TRIM49C: variants seen among roughly 807,000 people sequenced by gnomAD.
TRIM49C encodes the protein tripartite motif-containing protein 49C.
A neutral mutation model predicts 21.4 loss-of-function variants in TRIM49C; 6 were observed. The observed-to-expected ratio is 0.28, with a 90% CI of 0.15 to 0.55. The LOEUF is 0.55. TRIM49C is among the 20% of genes least tolerant of loss of function. The pLI, the probability that TRIM49C is intolerant of heterozygous loss-of-function variation, is 0.94. For synonymous variants in TRIM49C, 57 were observed against 148.1 expected (o/e 0.38, Z 4.47); for missense variants, 161 against 442.4 (o/e 0.36, Z 5.71).
Position 90,041,109 on chromosome 11 carries a change from G to C in TRIM49C, c.918G>C (p.Leu306Phe). ...ANSDIFLYEI[L>F]RSMCIGCDHQ... ...GTGATATCTTTCTGTATGAAATTTT[G>C]AGAAGCATGTGTATTGGATGTGACC... is the stretch of plus-strand genomic sequence containing the variant. The change falls in exon 8 of 8, where the codon TTG becomes TTC. Residue 306 changes from leucine (L) to phenylalanine (F), a missense_variant. Transcript: ENST00000448984. 1 of 1,580,706 alleles carries C rather than the reference G, an allele frequency of 6.3e-7. No individual in the cohort carries two copies. The highest frequency in any genetic ancestry group is 8.6e-7 in the Non-Finnish European group (1 of 1,161,798).
Position 90,034,066 on chromosome 11 carries a change from G to A in TRIM49C, c.-4-1142G>A, listed in dbSNP as rs1222474744. Among the ~76,000 whole-genome samples the A allele has an allele frequency of 5.5e-5, 7 of 126,910 alleles. 1 individual carries two copies. The highest frequency in any genetic ancestry group is 4.8e-5 in the Non-Finnish European group (3 of 62,170). The allele number at this position is 126,910 out of a possible 152,430, so 83.3% of individuals were successfully genotyped here. The stretch of plus-strand genomic sequence containing the variant: ...ATTCATCAGGAAAATTAATTTGCTT[G>A]ATTATGGAGTCTAGAGAGTTCCAAT... On this transcript the variant is annotated intron_variant, in intron 2 of 7. Coordinates refer to ENST00000448984, the MANE Select transcript of TRIM49C (RefSeq NM_001195234.1).
chr11:90,065,854 G>A, the TRIM49C span, among the ~76,000 whole-genome samples: 2 of 135,598 alleles, frequency 1.5e-5, no homozygotes, highest in African/African-American at 5.3e-5. Context: ...TACTTGGGAG[G>A]CTGAGGCATG....
chr11:90,035,397 A>G lies in TRIM49C; in HGVS notation c.186A>G (p.Ile62Met). The G allele has an allele frequency of 6.7e-7, 1 of 1,490,404 alleles. No individual in the cohort carries two copies. 92.3% of individuals were successfully genotyped at this position (1,490,404 alleles called of 1,614,324 possible). A position where few individuals can be genotyped will look rare whatever the true frequency, so the allele number is the denominator to read the frequency against. Residue 62 changes from isoleucine (I) to methionine (M), a missense_variant, in exon 3 of 8, where the codon ATA becomes ATG. Ile to Met is a conservative substitution (Grantham distance 10, BLOSUM62 1). This residue lies in a region of TRIM49C where 80 missense variants were observed against 314.8 expected (regional missense o/e 0.25). Coordinates refer to ENST00000448984, the MANE Select transcript of TRIM49C (RefSeq NM_001195234.1). ...AATGCACAAAGTCAACAGAGCAGAT[A>G]AACCTCAAAACCAACATTCATTTGA... ...CSECTKSTEQ[I>M]NLKTNIHLKK... is the part of the protein sequence containing the mutation.
the TRIM49C span, among the ~76,000 whole-genome samples, chr11:90,065,581 A>G: frequency 7.1e-6 from 1 of 140,444 alleles, no homozygotes; most frequent in African/African-American, 2.6e-5. Context: ...GGTATTGAAA[A>G]CCAGACTTGA....
At chr11:90,072,399 A>G in the TRIM49C span, among the ~76,000 whole-genome samples, 1 of 148,618 alleles carries the variant, frequency 6.7e-6, no homozygotes, top group African/African-American at 2.5e-5. Flanking sequence ...CATGAAAGTC[A>G]GATAATTCTG....
At chr11:90,072,310 G>T in the TRIM49C span, among the ~76,000 whole-genome samples, 2 of 148,580 alleles carry the variant, frequency 1.3e-5, no homozygotes, top group Admixed American at 6.8e-5. Flanking sequence ...TGATTTGGTG[G>T]TTGATGAGGC....
chr11:90,069,270 A>ATTT, the TRIM49C span, among the ~76,000 whole-genome samples: 13 of 118,312 alleles, frequency 1.1e-4, no homozygotes, highest in East Asian at 2.2e-3. Flanking sequence ...ACGCCCAGCT[A>ATTT]ATTTTTTTTT....
In TRIM49C at chr11:90,034,733, C is replaced by T. The variant is rs1470508866; in HGVS notation, c.-4-475C>T. 4.5e-5 allele frequency among the ~76,000 whole-genome samples: 6 copies of T among 133,088 alleles called. 1 individual carries two copies. Among genetic ancestry groups the T allele is most frequent in the Non-Finnish European group, 9.6e-5 (6 of 62,278 alleles). The allele number at this position is 133,088 out of a possible 152,430, so 87.3% of individuals were successfully genotyped here. A position where few individuals can be genotyped will look rare whatever the true frequency, so the allele number is the denominator to read the frequency against. Reference sequence around the variant, plus strand: ...ACTTGTGCCATGGTGGTTTGCTGCCCGGCTTTTGTGACCCTCTATAAAAAT... The same window carrying T: ...ACTTGTGCCATGGTGGTTTGCTGCCTGGCTTTTGTGACCCTCTATAAAAAT... On this transcript the variant is annotated intron_variant, in intron 2 of 7. Coordinates refer to ENST00000448984, the MANE Select transcript of TRIM49C (RefSeq NM_001195234.1).
At chr11:90,053,110 C>T in the TRIM49C span, among the ~76,000 whole-genome samples, 2 of 138,980 alleles carry the variant, frequency 1.4e-5, no homozygotes, top group African/African-American at 5.1e-5. Flanking sequence ...ATTCTTGGGC[C>T]CCACCCCAGG....
chr11:90,045,441 T>TTCAGCAGTGG (rs1337390825), downstream of TRIM49C, among the ~76,000 whole-genome samples: 4 of 61,044 alleles, frequency 6.6e-5, no homozygotes, highest in African/African-American at 2.7e-4. Context: ...TTGTATCCTC[T>TTCAGCAGTGG]TTTATTTCAT....
At chr11:90,069,240 G>A in the TRIM49C span, among the ~76,000 whole-genome samples, 1 of 125,006 alleles carries the variant, frequency 8.0e-6, no homozygotes, top group Non-Finnish European at 1.6e-5. Context: ...AAGTAGCTGG[G>A]ACTACAGGCG....
downstream of TRIM49C, among the ~76,000 whole-genome samples, chr11:90,045,080 G>A (rs1950792632): frequency 7.9e-6 from 1 of 127,312 alleles, no homozygotes; most frequent in Non-Finnish European, 1.7e-5. Flanking sequence ...AAGATCAGAT[G>A]GTTGTAGATA....
chr11:90,065,498 G>A, the TRIM49C span, among the ~76,000 whole-genome samples: 2 of 131,274 alleles, frequency 1.5e-5, 1 homozygote, highest in Non-Finnish European at 3.2e-5. Context: ...ATGGGCCCAC[G>A]GAAGACCACA....
rs1406542813 is a variant in TRIM49C at position 90,038,928 on chromosome 11, GT to G, written c.761+222del. 7.4e-5 allele frequency among the ~76,000 whole-genome samples: 10 copies of G among 135,412 alleles called. 1 individual carries two copies. Among genetic ancestry groups the G allele is most frequent in the Non-Finnish European group, 1.5e-4 (9 of 62,004 alleles). The allele number at this position is 135,412 out of a possible 152,430, so 88.8% of individuals were successfully genotyped here. On this transcript the variant is annotated intron_variant, in intron 6 of 7. Coordinates refer to ENST00000448984, the MANE Select transcript of TRIM49C (RefSeq NM_001195234.1). ...AACAAACAATTTGATTCCTGGTTTT[GT>G]TTTTTTTTGAGACGCTGTCTGGCTC...
chr11:90,069,262 G>C, the TRIM49C span, among the ~76,000 whole-genome samples: 1 of 120,028 alleles, frequency 8.3e-6, no homozygotes, highest in African/African-American at 3.7e-5. Context: ...TCGCCACCAC[G>C]CCCAGCTAAT....
downstream of TRIM49C, among the ~76,000 whole-genome samples, chr11:90,046,005 G>T (rs1349062153): frequency 1.1e-4 from 13 of 121,626 alleles, 3 homozygotes; most frequent in Non-Finnish European, 2.0e-4. Flanking sequence ...GTTGAATTTT[G>T]TCAAAGGCCT....
the TRIM49C span, among the ~76,000 whole-genome samples, chr11:90,060,253 C>T: frequency 2.2e-5 from 3 of 139,180 alleles, no homozygotes; most frequent in Non-Finnish European, 4.6e-5. Context: ...ACTCACCTTG[C>T]CGATACATTT....
the TRIM49C span, among the ~76,000 whole-genome samples, chr11:90,067,258 C>A: frequency 3.6e-5 from 5 of 138,998 alleles, no homozygotes; most frequent in Non-Finnish European, 6.2e-5. Flanking sequence ...TGGGCACAAC[C>A]AAGGTGTCAA....
At chr11:90,049,178 T>C in the TRIM49C span, among the ~76,000 whole-genome samples, 1 of 119,500 alleles carries the variant, frequency 8.4e-6, no homozygotes. Context: ...CTGCCCCTAC[T>C]GGGGGTGCCT....
Sources: gnomAD v4.1 joint callset for allele counts (sites outside exome capture counted in the v4.1 genomes callset) on GRCh38, gnomAD v4.1.1 for gene constraint, gnomAD v4.1.1 regional missense constraint, MANE v1.5 for transcripts, NCBI Gene and HGNC (gene_info 2026-07-23, HGNC 2026-07-21) for gene names.